Variants in MN1 observed in about 807,000 individuals in gnomAD.
MN1 encodes transcriptional activator MN1.
Under a neutral mutation model 86.9 loss-of-function variants are expected in MN1, and 19 were observed. The ratio of observed to expected loss-of-function variants is 0.22; its 90% CI spans 0.15 to 0.32. The LOEUF is 0.32. MN1 is among the 10% of genes least tolerant of loss of function. The probability of loss-of-function intolerance (pLI) is 1.00; values close to 1 mark genes in which losing one functional copy is unlikely to be tolerated. For synonymous variants in MN1, 928 were observed against 849.6 expected (o/e 1.09, Z -1.60); for missense variants, 1,841 against 1,862.0 (o/e 0.99, Z 0.21).
At chr22:27,794,730 T>C (rs1292467627) in intron 1 of MN1, among the ~76,000 whole-genome samples, 1 of 152,162 alleles carries the variant, frequency 6.6e-6, no homozygotes, top group East Asian at 1.9e-4. Context: ...CCTATACCTG[T>C]CCACCTAGTC....
Position 27,800,870 on chromosome 22 carries a change from G to C in MN1, c.-327C>G. The C allele has an allele frequency of 2.5e-6, 1 of 404,924 alleles. No homozygotes were observed. Among genetic ancestry groups the C allele is most frequent in the Non-Finnish European group, 4.5e-6 (1 of 222,906 alleles). 25.1% of individuals were successfully genotyped at this position (404,924 alleles called of 1,614,324 possible). ...GCGGGGAGGGGACGAAGCCGCGGAT[G>C]AACGGAGACAAAAAGTTAAGTGGGG... On this transcript the variant is annotated 5_prime_UTR_variant, in exon 1 of 2. Transcript: ENST00000302326.
At position 27,752,111 on chromosome 22, in the gene MN1, T is replaced by C. The variant is rs562642992; in HGVS notation, c.3782-1015A>G. 8.5e-5 allele frequency among the ~76,000 whole-genome samples: 13 copies of C among 152,256 alleles called. No homozygotes were observed. The East Asian group carries it at 2.1e-3, about 25-fold the overall frequency. On this transcript the variant is annotated intron_variant, in intron 1 of 1. Transcript: ENST00000302326. ...CCCCAGAAAGGCACAGAAACTTTCC[T>C]GGGGTCACACAGCTCCAACCTAATG...
chr22:27,798,390 G>C lies in MN1; in HGVS notation c.2154C>G (p.Gly718=). 2.0e-6 allele frequency: 3 copies of C among 1,507,384 alleles called. No individual in the cohort carries two copies. Among genetic ancestry groups the C allele is most frequent in the Non-Finnish European group, 2.6e-6 (3 of 1,137,034 alleles). 93.4% of individuals were successfully genotyped at this position (1,507,384 alleles called of 1,614,324 possible). A position where few individuals can be genotyped will look rare whatever the true frequency, so the allele number is the denominator to read the frequency against. The change falls in exon 1 of 2, where the codon GGC becomes GGG. Residue 718 remains glycine, a synonymous_variant. Transcript: ENST00000302326. ...CCGAAGCAGCGCTGGGGAGCCCCAC[G>C]CCCGCCCCGGGCGACTGCAGCTGAC... The part of the protein sequence containing the change: ...GLGQLQSPGA[G]VGLPSAASER...
intron 1 of MN1, among the ~76,000 whole-genome samples, chr22:27,773,999 C>T (rs1467938287): frequency 1.3e-5 from 2 of 152,122 alleles, no homozygotes; most frequent in African/African-American, 4.8e-5. Context: ...CCCCACGGTG[C>T]CCTCTCAGTG....
At chr22:27,759,563 A>G (rs1242824805) in intron 1 of MN1, among the ~76,000 whole-genome samples, 1 of 151,760 alleles carries the variant, frequency 6.6e-6, no homozygotes, top group African/African-American at 2.4e-5. Context: ...CTGAATCTCA[A>G]CTCTGCCCCT....
At chr22:27,767,750 G>A (rs1239177791) in intron 1 of MN1, among the ~76,000 whole-genome samples, 1 of 152,138 alleles carries the variant, frequency 6.6e-6, no homozygotes, top group Non-Finnish European at 1.5e-5. Flanking sequence ...GCAAGGTTGG[G>A]TGGGTGGAGG....
intron 1 of MN1, among the ~76,000 whole-genome samples, chr22:27,781,426 A>C (rs1016988082): frequency 6.6e-5 from 10 of 152,096 alleles, no homozygotes; most frequent in African/African-American, 2.4e-4. Context: ...ACGACAACCA[A>C]AGATCTCTCT....
In MN1 at chr22:27,796,905, G is replaced by T; in HGVS notation, c.3639C>A (p.Thr1213=). ...CTGCCATCAGCGAGTCCAGGTCAAT[G>T]GTGCTCATGGCGCTCTTGACCGCCT... The part of the protein sequence containing the change: ...CSEAVKSAMS[T]IDLDSLMAEH... Residue 1213 remains threonine, a synonymous_variant, in exon 1 of 2, where the codon ACC becomes ACA. Transcript: ENST00000302326. The T allele has an allele frequency of 6.2e-7, 1 of 1,613,018 alleles. No homozygotes were observed.
chr22:27,792,351 T>TATATATATATATAA (rs1350212376), intron 1 of MN1, among the ~76,000 whole-genome samples: 4 of 109,154 alleles, frequency 3.7e-5, no homozygotes, highest in Non-Finnish European at 4.2e-5. Context: ...TATATATATA[T>TATATATATATATAA]GAATATATAA....
At chr22:27,778,329 G>C (rs954807195) in intron 1 of MN1, among the ~76,000 whole-genome samples, 1 of 152,180 alleles carries the variant, frequency 6.6e-6, no homozygotes, top group African/African-American at 2.4e-5. Flanking sequence ...GCCAGCTGCC[G>C]CGGCCACTTT....
chr22:27,752,976 T>C (rs966099310), intron 1 of MN1, among the ~76,000 whole-genome samples: 4 of 152,196 alleles, frequency 2.6e-5, no homozygotes, highest in African/African-American at 9.6e-5. Flanking sequence ...CCCCAGGAGC[T>C]GAGCCACAGC....
chr22:27,789,895 AT>A (rs1373641973), intron 1 of MN1, among the ~76,000 whole-genome samples: 1 of 152,238 alleles, frequency 6.6e-6, no homozygotes, highest in African/African-American at 2.4e-5. Flanking sequence ...GAGAATGACA[AT>A]TTGGGATGCT....
chr22:27,793,851 T>A (rs1472061451), intron 1 of MN1, among the ~76,000 whole-genome samples: 2 of 152,260 alleles, frequency 1.3e-5, no homozygotes. Flanking sequence ...GATCATTTTG[T>A]TAAATACCGA....
chr22:27,770,260 G>T (rs944077391), intron 1 of MN1, among the ~76,000 whole-genome samples: 2 of 152,240 alleles, frequency 1.3e-5, no homozygotes, highest in Non-Finnish European at 2.9e-5. Flanking sequence ...ACCACTGAAA[G>T]GATGATGGAG....
In MN1 at chr22:27,750,839, G is replaced by A; in HGVS notation, c.*76C>T. The A allele has an allele frequency of 3.1e-6, 4 of 1,299,962 alleles. No individual in the cohort carries two copies. The highest frequency in any genetic ancestry group is 3.1e-5 in the South Asian group (2 of 63,520). 80.5% of individuals were successfully genotyped at this position (1,299,962 alleles called of 1,614,324 possible). ...GGCCCTTTCAAATTAACAGAGGGGT[G>A]GGGTAAGGTTGAGGGGGAAGGAAAC... On this transcript the variant is annotated 3_prime_UTR_variant, in exon 2 of 2. Coordinates refer to ENST00000302326, the MANE Select transcript of MN1 (RefSeq NM_002430.3).
At chr22:27,756,512 G>A (rs1392590024) in intron 1 of MN1, among the ~76,000 whole-genome samples, 1 of 152,134 alleles carries the variant, frequency 6.6e-6, no homozygotes, top group Non-Finnish European at 1.5e-5. Context: ...CTGCCTACCT[G>A]AGGGAAAGCC....
At chr22:27,760,234 A>G (rs1274812669) in intron 1 of MN1, among the ~76,000 whole-genome samples, 1 of 152,130 alleles carries the variant, frequency 6.6e-6, no homozygotes, top group African/African-American at 2.4e-5. Flanking sequence ...AGTCTCAACT[A>G]CTTGGGAGGC....
chr22:27,798,881 C>T lies in MN1; in HGVS notation c.1663G>A (p.Ala555Thr), dbSNP rs751577015. 6.5e-7 allele frequency: 1 copy of T among 1,548,520 alleles called. No individual in the cohort carries two copies. Among genetic ancestry groups the T allele is most frequent in the Non-Finnish European group, 8.7e-7 (1 of 1,148,070 alleles). The change falls in exon 1 of 2, where the codon GCC becomes ACC. Residue 555 changes from alanine to threonine, a missense_variant. Coordinates refer to ENST00000302326, the MANE Select transcript of MN1 (RefSeq NM_002430.3). ...GACGCCATCTGCTTAATCATGAGGG[C>T]CGCGTTTTGGCGCTGCTGCTGCTGC... is the stretch of plus-strand genomic sequence containing the variant. ...QQQQQQRQNA[A>T]LMIKQMASRN...
chr22:27,756,733 CTT>C (rs989584824), intron 1 of MN1, among the ~76,000 whole-genome samples: 17 of 152,074 alleles, frequency 1.1e-4, no homozygotes, highest in Non-Finnish European at 5.9e-5. Context: ...TGCTCTGACA[CTT>C]ATCATTCTTT....
Sources: allele counts gnomAD v4.1 joint callset (sites outside exome capture counted in the v4.1 genomes callset), GRCh38; gene constraint gnomAD v4.1.1; transcripts MANE v1.5; gene names NCBI Gene and HGNC (gene_info 2026-07-23, HGNC 2026-07-21).